Variants in MYH11 observed in about 807,000 individuals in gnomAD.
MYH11 encodes myosin heavy chain 11, also known as myosin-11.
In MYH11, 80 loss-of-function variants were observed where a neutral mutation model predicts 246.6. The observed-to-expected ratio is 0.32, with a 90% CI of 0.27 to 0.39. The LOEUF is 0.39. MYH11 is among the 10% of genes least tolerant of loss of function. MYH11 has a pLI of 1.00. For missense variants in MYH11, 2,158 were observed against 2,546.8 expected (o/e 0.85, Z 3.29); for synonymous variants, 1,071 against 1,015.5 (o/e 1.05, Z -1.04).
chr16:15,724,085 A>G, intron 31 of MYH11, 76 bp downstream of exon 31: 4 of 1,603,566 alleles, frequency 2.5e-6, no homozygotes, highest in Non-Finnish European at 3.4e-6. Flanking sequence ...GGCCAGAGCC[A>G]CGCGTCATAC....
At position 15,798,640 on chromosome 16, in the gene MYH11, G is replaced by T; in HGVS notation, c.530+20C>A. The T allele has an allele frequency of 3.0e-4, 403 of 1,323,310 alleles. No homozygotes were observed. The highest frequency in any genetic ancestry group is 5.3e-4 in the African/African-American group (26 of 48,974). The allele number at this position is 1,323,310 out of a possible 1,614,324, so 82.0% of individuals were successfully genotyped here. A position where few individuals can be genotyped will look rare whatever the true frequency, so the allele number is the denominator to read the frequency against. On this transcript the variant is annotated intron_variant, in intron 4 of 40. Coordinates refer to ENST00000300036, the MANE Select transcript of MYH11 (RefSeq NM_002474.3). Reference sequence around the variant, plus strand: ...AAAAAAAAACAAAAAAAAAACAGAAGAAAAAGCAGTTCCACTTACGTGCAT... The same window carrying T: ...AAAAAAAAACAAAAAAAAAACAGAATAAAAAGCAGTTCCACTTACGTGCAT...
At chr16:15,812,776 G>A (rs950952207) in intron 3 of MYH11, among the ~76,000 whole-genome samples, 1 of 152,132 alleles carries the variant, frequency 6.6e-6, no homozygotes, top group Non-Finnish European at 1.5e-5. Context: ...GGGGAGCTGA[G>A]GTGAGAAGAT....
At chr16:15,778,866 C>T in intron 6 of MYH11, 23 bp from the exon 7 acceptor site, 2 of 1,613,478 alleles carry the variant, frequency 1.2e-6, no homozygotes, top group Non-Finnish European at 1.7e-6. Context: ...AAACACAGTT[C>T]AGGCTTTGCT....
rs1456187965 is a variant in MYH11, at chr16:15,843,728, A to G, written c.-17-5459T>C. Among the ~76,000 whole-genome samples the G allele has an allele frequency of 2.0e-5, 3 of 151,968 alleles. No individual in the cohort carries two copies. The East Asian group carries it at 5.8e-4, about 29-fold the overall frequency. On this transcript the variant is annotated intron_variant, in intron 1 of 40. Transcript: ENST00000300036. Reference sequence around the variant, plus strand: ...AAAAAAAAAAGAAAGAAAGGAAGAAAGAAAGGGTCTTGGCAAGTTGGCAAG... The same window carrying G: ...AAAAAAAAAAGAAAGAAAGGAAGAAGGAAAGGGTCTTGGCAAGTTGGCAAG...
chr16:15,838,053 T>A lies in MYH11; in HGVS notation c.200A>T (p.Lys67Met). The change falls in exon 2 of 41, where the codon AAG becomes ATG. Residue 67 changes from lysine (K) to methionine (M), a missense_variant. Lys to Met is a moderately conservative substitution (Grantham distance 95). Around this residue, in one of 11 missense-constraint regions of MYH11, gnomAD observed 96 missense variants for 91.9 expected, o/e 1.04. Coordinates refer to ENST00000300036, the MANE Select transcript of MYH11 (RefSeq NM_002474.3). ...EVVVELVENG[K>M]KVTVGKDDIQ... ...GTCATCTTTCCCAACCGTGACCTTC[T>A]TGCCATTCTCCACCAGCTCCACAAC... is the stretch of plus-strand genomic sequence containing the variant. The A allele has an allele frequency of 6.2e-7, 1 of 1,614,146 alleles. No homozygotes were observed. The highest frequency in any genetic ancestry group is 1.3e-5 in the African/African-American group (1 of 75,026).
intron 1 of MYH11, among the ~76,000 whole-genome samples, chr16:15,853,855 TCTACTAAAAATAC>T (rs1340482140): frequency 2.6e-5 from 4 of 152,090 alleles, no homozygotes; most frequent in Non-Finnish European, 5.9e-5. Context: ...AAACCCCATC[TCTACTAAAAATAC>T]AAAAAATTAG....
chr16:15,718,512 G>A (rs969775894), intron 36 of MYH11, 74 bp from the exon 37 acceptor site: 1 of 1,523,026 alleles, frequency 6.6e-7, no homozygotes, highest in East Asian at 2.5e-5. Flanking sequence ...TTGGAGTCAT[G>A]CCTCAGGGGT....
chr16:15,749,390 C>CCT (rs1166958361), intron 16 of MYH11: 1 of 152,410 alleles, frequency 6.6e-6, no homozygotes, highest in East Asian at 1.9e-4. Context: ...CTCTGCTTAT[C>CCT]CTAGGCCCCC....
chr16:15,843,994 C>A (rs1323232215), intron 1 of MYH11, among the ~76,000 whole-genome samples: 1 of 151,960 alleles, frequency 6.6e-6, no homozygotes, highest in Non-Finnish European at 1.5e-5. Flanking sequence ...ACTAATTAAC[C>A]CTAACATCAC....
At chr16:15,763,741 T>G in intron 10 of MYH11, 55 bp downstream of exon 10, 3 of 646,858 alleles carry the variant, frequency 4.6e-6, no homozygotes, top group Admixed American at 2.1e-5. Context: ...AAATGTCACC[T>G]CCCCCACCCC....
chr16:15,703,298 GGA>G lies in MYH11; in HGVS notation c.*691_*692del, dbSNP rs2039284542. ...GTGCGTGTCTGAGGTGTGGAAACCAGGAGAGGGGGAAAGAATTCTCAAAGGCC... is the reference window on the plus strand; with the variant it reads ...GTGCGTGTCTGAGGTGTGGAAACCAGGAGGGGGAAAGAATTCTCAAAGGCC... On this transcript the variant is annotated 3_prime_UTR_variant, in exon 41 of 41. Transcript: ENST00000300036. 8.8e-6 allele frequency: 2 copies of G among 228,164 alleles called. No homozygotes were observed. The highest frequency in any genetic ancestry group is 3.3e-4 in the South Asian group (2 of 6,076). 14.1% of individuals were successfully genotyped at this position (228,164 alleles called of 1,614,324 possible). A position where few individuals can be genotyped will look rare whatever the true frequency, so the allele number is the denominator to read the frequency against.
At chr16:15,722,843 A>G (rs1399198743) in intron 31 of MYH11, among the ~76,000 whole-genome samples, 1 of 152,176 alleles carries the variant, frequency 6.6e-6, no homozygotes, top group African/African-American at 2.4e-5. Flanking sequence ...CCCTGGGTTC[A>G]AGCGATTCTC....
At chr16:15,815,171 T>C (rs1009084781) in intron 3 of MYH11, among the ~76,000 whole-genome samples, 6 of 152,148 alleles carry the variant, frequency 3.9e-5, no homozygotes, top group Admixed American at 3.9e-4. Context: ...CATCAACAAT[T>C]TGGTATCCTG....
intron 4 of MYH11, chr16:15,792,754 G>C (rs2042640863): frequency 6.6e-6 from 1 of 151,996 alleles, no homozygotes; most frequent in Non-Finnish European, 1.5e-5. Context: ...TTTTGAGATG[G>C]GGTCTCACTG....
At position 15,717,888 on chromosome 16, in the gene MYH11, T is replaced by G. The variant is rs930014353; in HGVS notation, c.5295+427A>C. On this transcript the variant is annotated intron_variant, in intron 37 of 40. Coordinates refer to ENST00000300036, the MANE Select transcript of MYH11 (RefSeq NM_002474.3). ...CTCTGTCCTGGAGTCGCCTGGAGAATGATGCCTGTTCACCCTACACCACAA... is the reference window on the plus strand; with the variant it reads ...CTCTGTCCTGGAGTCGCCTGGAGAAGGATGCCTGTTCACCCTACACCACAA... The G allele has an allele frequency of 5.4e-5, 15 of 276,620 alleles. No homozygotes were observed. The Admixed American group carries it at 5.8e-4, about 11-fold the overall frequency. 17.1% of individuals were successfully genotyped at this position (276,620 alleles called of 1,614,324 possible).
intron 3 of MYH11, among the ~76,000 whole-genome samples, chr16:15,820,401 G>A (rs544529201): frequency 2.0e-4 from 31 of 151,412 alleles, no homozygotes; most frequent in South Asian, 8.3e-4. Context: ...TTGAACCCAG[G>A]AGGTGGAGGT....
At chr16:15,717,098 C>T (rs2040192349) in intron 38 of MYH11, 42 bp downstream of exon 38, 2 of 1,600,638 alleles carry the variant, frequency 1.2e-6, no homozygotes, top group Non-Finnish European at 1.7e-6. Flanking sequence ...TGCTGTCCAT[C>T]ACCCCCCTGC....
intron 1 of MYH11, among the ~76,000 whole-genome samples, chr16:15,854,918 G>A (rs768837545): frequency 6.7e-6 from 1 of 150,172 alleles, no homozygotes; most frequent in Admixed American, 6.7e-5. Flanking sequence ...TTCTCCTTAG[G>A]GTTTCTCCAC....
At chr16:15,718,119 AGAG>A in intron 37 of MYH11, 193 bp downstream of exon 37, 1 of 806,036 alleles carries the variant, frequency 1.2e-6, no homozygotes, top group South Asian at 1.7e-5. Flanking sequence ...TGCAGCGTGG[AGAG>A]GAGTATTCTG....
Sources: allele counts gnomAD v4.1 joint callset (sites outside exome capture counted in the v4.1 genomes callset), GRCh38; gene constraint gnomAD v4.1.1; regional missense constraint gnomAD v4.1.1; transcripts MANE v1.5; gene names NCBI Gene and HGNC (gene_info 2026-07-23, HGNC 2026-07-21).